SPNS2: variants seen among roughly 807,000 people sequenced by gnomAD.
SPNS2 encodes sphingosine-1-phosphate transporter SPNS2.
SPNS2 carries 37 observed loss-of-function variants against 57.6 expected under a neutral mutation model. The ratio of observed to expected loss-of-function variants is 0.64; its 90% CI spans 0.49 to 0.85. The LOEUF (loss-of-function observed/expected upper bound fraction) is 0.85, where lower values mean the gene tolerates loss of function less well. Among genes scored for constraint, SPNS2 ranks in the 40% least tolerant of loss-of-function variants. The probability of loss-of-function intolerance (pLI) is 0.00; values close to 1 mark genes in which losing one functional copy is unlikely to be tolerated. For synonymous variants in SPNS2, 440 were observed against 346.9 expected, an observed-to-expected ratio of 1.27 and a Z score of -2.98; for missense variants, 831 against 779.1, an observed-to-expected ratio of 1.07 and a Z score of -0.79.
In SPNS2 at chr17:4,508,300, G is replaced by A. The variant is rs569152339; in HGVS notation, c.371-4947G>A. ...GTGATGTGTGATTCCAGGGAACTCA[G>A]AGCAGCCTGGCCAGTGGTTTCCAAT... On this transcript the variant is annotated intron_variant, in intron 1 of 12. Transcript: ENST00000329078. Among the ~76,000 whole-genome samples, 8 of 152,334 alleles carry A rather than the reference G, an allele frequency of 5.3e-5. No homozygotes were observed. In the East Asian group the frequency reaches 1.5e-3, roughly 29 times the overall value.
chr17:4,536,909 G>A lies in SPNS2; in HGVS notation c.1617G>A (p.Gln539=). 6.2e-7 allele frequency: 1 copy of A among 1,613,388 alleles called. No individual in the cohort carries two copies. ...CCCGTCTCTCCCCCAGGGTGAACCAGCTGGCGATGCCGCCCGCATCTGTGA... is the reference window on the plus strand; with the variant it reads ...CCCGTCTCTCCCCCAGGGTGAACCAACTGGCGATGCCGCCCGCATCTGTGA... ...DRARAEQQVN[Q]LAMPPASVKV Residue 539 remains glutamine, a synonymous_variant, in exon 12 of 13, where the codon CAG becomes CAA. Transcript: ENST00000329078.
chr17:4,510,149 G>A lies in SPNS2; in HGVS notation c.371-3098G>A, dbSNP rs1567588272. Among the ~76,000 whole-genome samples the A allele has an allele frequency of 6.6e-6, 1 of 152,372 alleles. No individual in the cohort carries two copies. Among genetic ancestry groups the A allele is most frequent in the East Asian group, 1.9e-4 (1 of 5,180 alleles). Reference sequence around the variant, plus strand: ...GTGGCTGTGGCCGCCTCCAGGCCCGGAAGAGGGAAAGCAAGCCAGAAAGGT... The same window carrying A: ...GTGGCTGTGGCCGCCTCCAGGCCCGAAAGAGGGAAAGCAAGCCAGAAAGGT... On this transcript the variant is annotated intron_variant, in intron 1 of 12. Transcript: ENST00000329078. This position sits in a 1 kb window ranked among gnomAD's most constrained non-coding sequence, Gnocchi z 4.4.
intron 2 of SPNS2, among the ~76,000 whole-genome samples, chr17:4,516,334 A>C (rs4998479): frequency 0.4 from 48,582 of 122,284 alleles, 11,116 homozygotes; most frequent in East Asian, 0.8. Context: ...AAAAAAAAAA[A>C]AAAAAAAAAC....
At position 4,512,138 on chromosome 17, in the gene SPNS2, C is replaced by T. The variant is rs948882685; in HGVS notation, c.371-1109C>T. Among the ~76,000 whole-genome samples, 4 of 152,152 alleles carry T rather than the reference C, an allele frequency of 2.6e-5. No homozygotes were observed. Among genetic ancestry groups the T allele is most frequent in the African/African-American group, 9.7e-5 (4 of 41,426 alleles). ...TCGTCATCATGAAGAGCTCTGGAGTCCCCCAAAGGCTTCTGTCCCTGCCTG... is the reference window on the plus strand; with the variant it reads ...TCGTCATCATGAAGAGCTCTGGAGTTCCCCAAAGGCTTCTGTCCCTGCCTG... On this transcript the variant is annotated intron_variant, in intron 1 of 12. Transcript: ENST00000329078. This position sits in a 1 kb window ranked among gnomAD's most constrained non-coding sequence, Gnocchi z 5.2.
At chr17:4,504,951 C>T (rs1241493681) in intron 1 of SPNS2, among the ~76,000 whole-genome samples, 1 of 152,136 alleles carries the variant, frequency 6.6e-6, no homozygotes, top group Admixed American at 6.5e-5. Flanking sequence ...GTCTGCTGGT[C>T]CCTGGCTCTG....
chr17:4,532,908 G>C, intron 6 of SPNS2, 69 bp from the exon 7 acceptor site: 1 of 1,552,086 alleles, frequency 6.4e-7, no homozygotes, highest in Admixed American at 1.8e-5. Context: ...TGTTCCCCCA[G>C]TGCATGGGGC....
rs540963006 is a variant in SPNS2 at position 4,510,652 on chromosome 17, A to G, written c.371-2595A>G. 2.0e-5 allele frequency among the ~76,000 whole-genome samples: 3 copies of G among 152,110 alleles called. No individual in the cohort carries two copies. Among genetic ancestry groups the G allele is most frequent in the African/African-American group, 7.2e-5 (3 of 41,514 alleles). ...CCCGTGTCCCTCCTCTGGACTATGGATGGGGACCCTCCTGCCTCCTCCTGA... is the reference window on the plus strand; with the variant it reads ...CCCGTGTCCCTCCTCTGGACTATGGGTGGGGACCCTCCTGCCTCCTCCTGA... On this transcript the variant is annotated intron_variant, in intron 1 of 12. Coordinates refer to ENST00000329078, the MANE Select transcript of SPNS2 (RefSeq NM_001124758.3). The surrounding 1 kb of genome is among the most constrained non-coding windows in gnomAD (Gnocchi z 4.4).
At position 4,510,359 on chromosome 17, in the gene SPNS2, C is replaced by T. The variant is rs1210888974; in HGVS notation, c.371-2888C>T. On this transcript the variant is annotated intron_variant, in intron 1 of 12. Transcript: ENST00000329078. The surrounding 1 kb of genome is among the most constrained non-coding windows in gnomAD (Gnocchi z 4.4). The stretch of plus-strand genomic sequence containing the variant: ...GTCCTGGGAACTGCCCAGGACTTCC[C>T]AGAGACCTTAGACGCCCATCTGGAT... Among the ~76,000 whole-genome samples the T allele has an allele frequency of 6.6e-6, 1 of 152,146 alleles. No homozygotes were observed. Among genetic ancestry groups the T allele is most frequent in the Non-Finnish European group, 1.5e-5 (1 of 68,020 alleles).
intron 5 of SPNS2, among the ~76,000 whole-genome samples, chr17:4,531,614 G>A (rs1905478757): frequency 1.3e-5 from 2 of 152,182 alleles, no homozygotes; most frequent in Admixed American, 6.5e-5. Context: ...TCTCGGAGGA[G>A]CGGAAGCTTA....
rs546442997 is a variant in SPNS2 at position 4,530,673 on chromosome 17, C to T, written c.615C>T (p.Ile205=). 3.0e-5 allele frequency: 48 copies of T among 1,613,602 alleles called. No individual in the cohort carries two copies. The Admixed American group carries it at 4.3e-4, about 15-fold the overall frequency. The change falls in exon 4 of 13, where the codon ATC becomes ATT. Residue 205 remains isoleucine, a synonymous_variant. Coordinates refer to ENST00000329078, the MANE Select transcript of SPNS2 (RefSeq NM_001124758.3). ...LLVLSRGLVG[I]GEASYSTIAP... ...TCCTGTCCCGGGGGCTGGTGGGCAT[C>T]GGGGAGGCCAGCTACTCCACCATCG...
At chr17:4,530,907 C>G in intron 4 of SPNS2, 124 bp downstream of exon 4, 1 of 1,461,760 alleles carries the variant, frequency 6.8e-7, no homozygotes, top group Middle Eastern at 1.9e-4. Flanking sequence ...AACATGTGGG[C>G]GGTCAGCCTT....
At position 4,537,836 on chromosome 17, in the gene SPNS2, A is replaced by AACTTG. The variant is rs1194039418; in HGVS notation, c.*389_*393dup. On this transcript the variant is annotated 3_prime_UTR_variant, in exon 13 of 13. Coordinates refer to ENST00000329078, the MANE Select transcript of SPNS2 (RefSeq NM_001124758.3). ...GCCAGGGGGCTGGACTTTCCCACAC[A>AACTTG]ACTTGCTGGGCAAAGCACGATCTGC... is the stretch of plus-strand genomic sequence containing the variant. 4.4e-6 allele frequency: 2 copies of AACTTG among 454,832 alleles called. No individual in the cohort carries two copies. 28.2% of individuals were successfully genotyped at this position (454,832 alleles called of 1,614,324 possible).
At chr17:4,502,514 G>A (rs1209770664) in intron 1 of SPNS2, among the ~76,000 whole-genome samples, 1 of 152,214 alleles carries the variant, frequency 6.6e-6, no homozygotes, top group Admixed American at 6.5e-5. Flanking sequence ...ATATCACGGT[G>A]GCCAGGGGCC....
chr17:4,516,027 C>T lies in SPNS2; in HGVS notation c.436+2715C>T, dbSNP rs1028612355. Among the ~76,000 whole-genome samples, 27 of 152,312 alleles carry T rather than the reference C, an allele frequency of 1.8e-4. 1 individual carries two copies. The highest frequency in any genetic ancestry group is 1.4e-3 in the Admixed American group (22 of 15,302). On this transcript the variant is annotated intron_variant, in intron 2 of 12. Coordinates refer to ENST00000329078, the MANE Select transcript of SPNS2 (RefSeq NM_001124758.3). ...GAAAGCCCACAGCAGAATTACAGCT[C>T]ATAGGCTGGGCGCCTATGGCTTACG...
At chr17:4,534,667 G>A (rs564101870) in intron 9 of SPNS2, among the ~76,000 whole-genome samples, 111 of 152,266 alleles carry the variant, frequency 7.3e-4, no homozygotes, top group African/African-American at 2.4e-3. Context: ...GCCTCCGGGC[G>A]TATCCGCTTC....
chr17:4,502,102 G>A (rs377260258), intron 1 of SPNS2, among the ~76,000 whole-genome samples: 19 of 152,226 alleles, frequency 1.2e-4, no homozygotes, highest in Middle Eastern at 3.4e-3. Flanking sequence ...AGGGCTGGGC[G>A]CGGTGGCTCA....
intron 3 of SPNS2, among the ~76,000 whole-genome samples, 195 bp from the exon 4 acceptor site, chr17:4,530,437 A>G (rs1003703268): frequency 6.6e-6 from 1 of 152,098 alleles, no homozygotes; most frequent in Non-Finnish European, 1.5e-5. Flanking sequence ...CGTCAGACCC[A>G]CTATACAGAG....
At position 4,537,827 on chromosome 17, in the gene SPNS2, T is replaced by C; in HGVS notation, c.*379T>C. 2.2e-6 allele frequency: 1 copy of C among 454,954 alleles called. No individual in the cohort carries two copies. The highest frequency in any genetic ancestry group is 4.4e-6 in the Non-Finnish European group (1 of 225,532). The allele number at this position is 454,954 out of a possible 1,614,324, so 28.2% of individuals were successfully genotyped here. A position where few individuals can be genotyped will look rare whatever the true frequency, so the allele number is the denominator to read the frequency against. ...GAACGAAGGGCCAGGGGGCTGGACT[T>C]TCCCACACAACTTGCTGGGCAAAGC... On this transcript the variant is annotated 3_prime_UTR_variant, in exon 13 of 13. Transcript: ENST00000329078.
At chr17:4,519,924 C>T (rs34150407) in intron 2 of SPNS2, among the ~76,000 whole-genome samples, 30,449 of 152,230 alleles carry the variant, frequency 0.2, 3,583 homozygotes, top group South Asian at 0.39. Flanking sequence ...GTTCAGGCCC[C>T]TCCATGGCCT....
Sources: allele counts gnomAD v4.1 joint callset (sites outside exome capture counted in the v4.1 genomes callset), GRCh38; gene constraint gnomAD v4.1.1; non-coding constraint Gnocchi (gnomAD v3.1); transcripts MANE v1.5; gene names NCBI Gene and HGNC (gene_info 2026-07-23, HGNC 2026-07-21).